Variants in CCDC192 observed in about 807,000 individuals in gnomAD.
CCDC192 encodes the protein coiled-coil domain containing 192.
intron 5 of CCDC192, among the ~76,000 whole-genome samples, chr5:127,806,919 C>A (rs2126991105): frequency 6.6e-6 from 1 of 152,264 alleles, no homozygotes; most frequent in African/African-American, 2.4e-5. Context: ...TTTTAAAAGT[C>A]CTCTGGTCCT....
chr5:127,726,631 G>A (rs1447511958), intron 2 of CCDC192, among the ~76,000 whole-genome samples: 1 of 152,214 alleles, frequency 6.6e-6, no homozygotes, highest in Non-Finnish European at 1.5e-5. Context: ...CCACAGCACA[G>A]CACAGTGGCT....
chr5:127,919,647 C>CT (rs1753650915), intron 6 of CCDC192, among the ~76,000 whole-genome samples: 1 of 152,222 alleles, frequency 6.6e-6, no homozygotes, highest in Admixed American at 6.5e-5. Flanking sequence ...CACAGAGCTT[C>CT]TACAGCAAAC....
At chr5:127,815,694 C>T (rs927491906) in intron 5 of CCDC192, among the ~76,000 whole-genome samples, 3 of 151,798 alleles carry the variant, frequency 2.0e-5, no homozygotes, top group African/African-American at 7.3e-5. Context: ...AGTGAAATCC[C>T]GTCTCTACTA....
At chr5:127,820,101 A>G (rs1003631992) in intron 5 of CCDC192, among the ~76,000 whole-genome samples, 5 of 152,340 alleles carry the variant, frequency 3.3e-5, no homozygotes, top group South Asian at 2.1e-4. Context: ...GCTGTGAATT[A>G]TGTGTGTGAG....
intron 5 of CCDC192, among the ~76,000 whole-genome samples, chr5:127,832,354 T>C (rs1268554827): frequency 1.3e-5 from 2 of 152,194 alleles, no homozygotes; most frequent in African/African-American, 2.4e-5. Context: ...TGAAAATGCA[T>C]GTGTCCTCTA....
At chr5:127,923,853 T>A (rs1347771683) in intron 6 of CCDC192, among the ~76,000 whole-genome samples, 5 of 152,184 alleles carry the variant, frequency 3.3e-5, no homozygotes, top group Admixed American at 3.3e-4. Context: ...CTCTTCCAAC[T>A]TTCAGACAAT....
chr5:127,921,299 G>T (rs1168556048), intron 6 of CCDC192, among the ~76,000 whole-genome samples: 1 of 151,930 alleles, frequency 6.6e-6, no homozygotes, highest in African/African-American at 2.4e-5. Flanking sequence ...AGACTGACAA[G>T]GTAGTTAAGT....
intron 6 of CCDC192, among the ~76,000 whole-genome samples, chr5:127,887,183 A>T (rs1054816252): frequency 2.0e-5 from 3 of 151,730 alleles, no homozygotes; most frequent in Non-Finnish European, 4.4e-5. Flanking sequence ...ACAAAATTTA[A>T]CTGGGTGTGG....
At chr5:127,838,931 C>T (rs964324550) in intron 5 of CCDC192, among the ~76,000 whole-genome samples, 7 of 152,146 alleles carry the variant, frequency 4.6e-5, no homozygotes, top group Admixed American at 2.6e-4. Context: ...GGCCTCTTCC[C>T]GTGAGATTAC....
intron 6 of CCDC192, among the ~76,000 whole-genome samples, chr5:127,923,410 C>A (rs1225431112): frequency 6.6e-6 from 1 of 150,388 alleles, no homozygotes; most frequent in African/African-American, 2.5e-5. Context: ...CAGAGTCTCA[C>A]TCTGCCTCCC....
At chr5:127,837,804 A>G (rs894838821) in intron 5 of CCDC192, among the ~76,000 whole-genome samples, 3 of 152,190 alleles carry the variant, frequency 2.0e-5, no homozygotes, top group Non-Finnish European at 4.4e-5. Flanking sequence ...CCTGGCCAAC[A>G]TGGTGAAACC....
chr5:127,840,683 T>C (rs1750242703), intron 5 of CCDC192, among the ~76,000 whole-genome samples: 1 of 152,164 alleles, frequency 6.6e-6, no homozygotes, highest in African/African-American at 2.4e-5. Context: ...AAGCACTTTT[T>C]GAAAAAGACC....
At chr5:127,800,400 AACAAC>A (rs1383143304) in intron 5 of CCDC192, among the ~76,000 whole-genome samples, 6 of 79,068 alleles carry the variant, frequency 7.6e-5, no homozygotes, top group South Asian at 4.7e-4. Context: ...AAAAAAAAAA[AACAAC>A]AACAACAAAA....
Position 127,784,739 on chromosome 5 carries a change from AG to A in CCDC192, c.223-12361del, listed in dbSNP as rs1467714243. On this transcript the variant is annotated intron_variant, in intron 3 of 6. Transcript: ENST00000514853. Reference sequence around the variant, plus strand: ...TTTGAACCTGGAGGATAGCTGAGTGAGGGCCTCATCAACTAACTGCTGGTGT... The same window carrying A: ...TTTGAACCTGGAGGATAGCTGAGTGAGGCCTCATCAACTAACTGCTGGTGT... 8 of 530,926 alleles carry A rather than the reference AG, an allele frequency of 1.5e-5. No homozygotes were observed. In the African/African-American group the frequency reaches 1.5e-4, roughly 10 times the overall value. The allele number at this position is 530,926 out of a possible 1,614,324, so 32.9% of individuals were successfully genotyped here. A position where few individuals can be genotyped will look rare whatever the true frequency, so the allele number is the denominator to read the frequency against.
At chr5:127,776,904 G>A (rs1475051062) in intron 3 of CCDC192, among the ~76,000 whole-genome samples, 6 of 152,260 alleles carry the variant, frequency 3.9e-5, no homozygotes, top group Admixed American at 2.0e-4. Flanking sequence ...TTCAGAGGAT[G>A]TATGGAAATG....
chr5:127,850,944 C>A (rs374424544), intron 5 of CCDC192, among the ~76,000 whole-genome samples: 2 of 152,032 alleles, frequency 1.3e-5, no homozygotes, highest in African/African-American at 4.8e-5. Flanking sequence ...CCAGCCTGGG[C>A]GACAGAGAGA....
At chr5:127,777,541 G>A (rs1248607548) in intron 3 of CCDC192, among the ~76,000 whole-genome samples, 4 of 152,192 alleles carry the variant, frequency 2.6e-5, no homozygotes, top group Admixed American at 6.5e-5. Context: ...TGTTGGGAAG[G>A]CACGATTGGT....
intron 5 of CCDC192, among the ~76,000 whole-genome samples, chr5:127,800,317 G>A (rs1418262453): frequency 1.6e-5 from 2 of 125,026 alleles, no homozygotes; most frequent in African/African-American, 6.2e-5. Flanking sequence ...GTTTTAATGA[G>A]CACTTCTTAG....
intron 5 of CCDC192, among the ~76,000 whole-genome samples, chr5:127,841,784 A>G (rs1264179345): frequency 6.6e-6 from 1 of 152,068 alleles, no homozygotes; most frequent in Non-Finnish European, 1.5e-5. Context: ...TCACCAGCCC[A>G]ACGAGTGATC....
Sources: allele counts gnomAD v4.1 joint callset (sites outside exome capture counted in the v4.1 genomes callset), GRCh38; gene constraint gnomAD v4.1.1; transcripts MANE v1.5; gene names NCBI Gene and HGNC (gene_info 2026-07-23, HGNC 2026-07-21).